The following GRIA4 variants were observed in gnomAD, a reference collection of about 807,000 sequenced individuals.
GRIA4 encodes the protein glutamate receptor 4.
Under a neutral mutation model 104.0 loss-of-function variants are expected in GRIA4, and 34 were observed. The ratio of observed to expected loss-of-function variants is 0.33; its 90% CI spans 0.25 to 0.44. GRIA4 has a LOEUF of 0.44. GRIA4 is among the 20% of genes least tolerant of loss of function. The pLI is 1.00. For synonymous variants in GRIA4, 386 were observed against 381.9 expected (o/e 1.01, Z -0.13); for missense variants, 750 against 1,096.5 (o/e 0.68, Z 4.46).
At chr11:105,822,451 T>C (rs746706808) in intron 4 of GRIA4, among the ~76,000 whole-genome samples, 1 of 152,078 alleles carries the variant, frequency 6.6e-6, no homozygotes, top group Admixed American at 6.6e-5. Context: ...TGCAAAGTCT[T>C]AGGAGGGAAA....
chr11:105,623,820 A>G (rs1950816259), intron 3 of GRIA4, among the ~76,000 whole-genome samples: 1 of 152,042 alleles, frequency 6.6e-6, no homozygotes. Flanking sequence ...TTACCTATTT[A>G]TCATCCATAT....
At chr11:105,822,660 TAAAAC>T (rs1943618554) in intron 4 of GRIA4, among the ~76,000 whole-genome samples, 1 of 152,132 alleles carries the variant, frequency 6.6e-6, no homozygotes, top group South Asian at 2.1e-4. Flanking sequence ...ATTGAGTAAT[TAAAAC>T]AAAGTATGGT....
intron 3 of GRIA4, among the ~76,000 whole-genome samples, chr11:105,623,373 T>C (rs1469521998): frequency 6.6e-6 from 1 of 151,958 alleles, no homozygotes; most frequent in African/African-American, 2.4e-5. Flanking sequence ...TCCATCTACT[T>C]AACATATTTG....
At chr11:105,895,988 A>C (rs1360196017) in intron 6 of GRIA4, among the ~76,000 whole-genome samples, 4 of 152,204 alleles carry the variant, frequency 2.6e-5, no homozygotes, top group Non-Finnish European at 4.4e-5. Context: ...TAGTTCTTTG[A>C]GAAATCTCCA....
At chr11:105,822,325 C>T (rs1041627307) in intron 4 of GRIA4, among the ~76,000 whole-genome samples, 2 of 151,928 alleles carry the variant, frequency 1.3e-5, no homozygotes, top group African/African-American at 4.8e-5. Context: ...TTACTCAAGA[C>T]CTTTCTGTTT....
At chr11:105,976,851 G>A (rs1042306784) in intron 16 of GRIA4, among the ~76,000 whole-genome samples, 5 of 151,910 alleles carry the variant, frequency 3.3e-5, no homozygotes, top group African/African-American at 4.8e-5. Context: ...AAGATGAATA[G>A]AAATGGCATT....
chr11:105,854,838 C>T (rs1944953090), intron 4 of GRIA4, among the ~76,000 whole-genome samples: 1 of 152,070 alleles, frequency 6.6e-6, no homozygotes, highest in Non-Finnish European at 1.5e-5. Flanking sequence ...AGTCCCTAAG[C>T]TGGAGAATGG....
At position 105,644,437 on chromosome 11, in the gene GRIA4, CAAA is replaced by C. The variant is rs5794415; in HGVS notation, c.247+32018_247+32020del. ...TGAAACCCTGTCTCTACTAAAGATA[CAAA>C]AAAAAAAAAAAAAATTAGCCTGGTG... On this transcript the variant is annotated intron_variant, in intron 3 of 16. Transcript: ENST00000282499. Among the ~76,000 whole-genome samples, 328 of 123,884 alleles carry C rather than the reference CAAA, an allele frequency of 2.6e-3. 1 individual carries two copies. Among genetic ancestry groups the C allele is most frequent in the African/African-American group, 8.7e-3 (292 of 33,482 alleles). The allele number at this position is 123,884 out of a possible 152,430, so 81.3% of individuals were successfully genotyped here.
rs765658446 is a variant in GRIA4, at chr11:105,898,359, A to C, written c.817A>C (p.Ile273Leu). 1.5e-4 allele frequency: 240 copies of C among 1,586,626 alleles called. No homozygotes were observed. The highest frequency in any genetic ancestry group is 1.7e-4 in the Non-Finnish European group (195 of 1,155,282). ...QLVDFNTPMV[I>L]KLMDRWKKLD... ...GGTGGATTTTAATACACCTATGGTA[A>C]TCAAACTAATGGATCGCTGGAAGAA... The change falls in exon 7 of 17, where the codon ATC (isoleucine) becomes CTC (leucine). Residue 273 changes from isoleucine (I) to leucine (L), a missense_variant. By Grantham distance (5) the Ile-to-Leu change is conservative. Coordinates refer to ENST00000282499, the MANE Select transcript of GRIA4 (RefSeq NM_000829.4).
chr11:105,797,311 C>A (rs1330268450), intron 4 of GRIA4, among the ~76,000 whole-genome samples: 1 of 152,110 alleles, frequency 6.6e-6, no homozygotes, highest in African/African-American at 2.4e-5. Flanking sequence ...AGCCCGCTAA[C>A]AATACAAGGG....
At chr11:105,684,966 T>C (rs1373160200) in intron 3 of GRIA4, among the ~76,000 whole-genome samples, 1 of 152,140 alleles carries the variant, frequency 6.6e-6, no homozygotes, top group African/African-American at 2.4e-5. Flanking sequence ...GGAATAACTA[T>C]TTGCAATGAT....
chr11:105,963,044 G>A (rs563224030), intron 14 of GRIA4, among the ~76,000 whole-genome samples: 4 of 151,950 alleles, frequency 2.6e-5, no homozygotes, highest in Middle Eastern at 3.4e-3. Context: ...TATTTGAAGG[G>A]GATTTCAAAA....
intron 9 of GRIA4, among the ~76,000 whole-genome samples, chr11:105,905,621 G>C (rs1947017678): frequency 6.6e-6 from 1 of 152,178 alleles, no homozygotes; most frequent in South Asian, 2.1e-4. Context: ...ACACGAAGCA[G>C]TAAAGAGACA....
At chr11:105,946,434 C>A (rs1948314921) in intron 14 of GRIA4, among the ~76,000 whole-genome samples, 2 of 151,662 alleles carry the variant, frequency 1.3e-5, no homozygotes, top group Admixed American at 1.3e-4. Flanking sequence ...AAATAGAAAA[C>A]AATTAGCTGG....
chr11:105,666,385 C>T (rs1358437098), intron 3 of GRIA4, among the ~76,000 whole-genome samples: 1 of 151,744 alleles, frequency 6.6e-6, no homozygotes, highest in Admixed American at 6.6e-5. Context: ...AAGGAAAAGA[C>T]AAGTAAATTA....
At chr11:105,678,530 T>G (rs1322856001) in intron 3 of GRIA4, among the ~76,000 whole-genome samples, 1 of 152,118 alleles carries the variant, frequency 6.6e-6, no homozygotes, top group Non-Finnish European at 1.5e-5. Flanking sequence ...TGACACTTCA[T>G]GTAGGCAGCA....
chr11:105,623,677 G>T (rs866828337), intron 3 of GRIA4, among the ~76,000 whole-genome samples: 12 of 151,990 alleles, frequency 7.9e-5, no homozygotes, highest in African/African-American at 2.7e-4. Flanking sequence ...CACCTTCTCA[G>T]AAAACTTTGC....
In GRIA4 at chr11:105,949,127, T is replaced by C. The variant is rs6591143; in HGVS notation, c.2294+15158T>C. On this transcript the variant is annotated intron_variant, in intron 14 of 16. Transcript: ENST00000282499. ...AGCTATCTATAATCTCACTGAAATA[T>C]CTTCTAAGATTATTTTGTTTATACA... Among the ~76,000 whole-genome samples the C allele has an allele frequency of 5.0e-3, 757 of 152,278 alleles. 4 individuals are homozygous for C. The highest frequency in any genetic ancestry group is 0.017 in the African/African-American group (696 of 41,546).
intron 3 of GRIA4, among the ~76,000 whole-genome samples, chr11:105,617,254 A>G (rs1950624299): frequency 1.3e-5 from 2 of 150,754 alleles, no homozygotes; most frequent in South Asian, 2.1e-4. Context: ...GTGTGTGTGT[A>G]TATATATTTA....
Sources: allele counts gnomAD v4.1 joint callset (sites outside exome capture counted in the v4.1 genomes callset), GRCh38; gene constraint gnomAD v4.1.1; transcripts MANE v1.5; gene names NCBI Gene and HGNC (gene_info 2026-07-23, HGNC 2026-07-21).